DIAPH2: variants seen among roughly 807,000 people sequenced by gnomAD.
The protein encoded by DIAPH2 is diaphanous related formin 2, also known as protein diaphanous homolog 2.
In DIAPH2, 35 loss-of-function variants were observed where a neutral mutation model predicts 92.7. That is an observed-to-expected ratio of 0.38 (90% CI 0.29 to 0.50). The LOEUF (loss-of-function observed/expected upper bound fraction) is 0.50, where lower values mean the gene tolerates loss of function less well. DIAPH2 is among the 20% of genes least tolerant of loss of function. The pLI is 0.94. For synonymous variants in DIAPH2, 301 were observed against 280.4 expected, an observed-to-expected ratio of 1.07 and a Z score of -0.73; for missense variants, 701 against 819.5, an observed-to-expected ratio of 0.86 and a Z score of 1.77.
chrX:96,901,178 A>G (rs2147770535), intron 5 of DIAPH2, among the ~76,000 whole-genome samples: 1 of 109,889 alleles, frequency 9.1e-6, no homozygotes, highest in Non-Finnish European at 1.9e-5. Flanking sequence ...TTTATTCCTG[A>G]TTTAATCTAG....
rs907625578 is a variant in DIAPH2 at position 97,474,356 on chromosome X, G to T, written c.3241+44611G>T. On this transcript the variant is annotated intron_variant, in intron 26 of 26. Transcript: ENST00000324765. ...GAGAACAGATTATTTTTATCTTTTA[G>T]TTGGTGAAGTATAAAAATTTTCATT... Among the ~76,000 whole-genome samples the T allele has an allele frequency of 6.2e-5, 7 of 112,755 alleles. No homozygotes were observed. The South Asian group carries it at 2.5e-3, about 41-fold the overall frequency.
At chrX:96,719,029 A>G (rs780612557) in intron 1 of DIAPH2, among the ~76,000 whole-genome samples, 2 of 112,056 alleles carry the variant, frequency 1.8e-5, no homozygotes, top group African/African-American at 3.2e-5. Flanking sequence ...TCCGTGATCA[A>G]TGATGTTAAG....
intron 17 of DIAPH2, among the ~76,000 whole-genome samples, chrX:97,026,184 A>G (rs2066333772): frequency 8.9e-6 from 1 of 112,181 alleles, no homozygotes; most frequent in Non-Finnish European, 1.9e-5. Flanking sequence ...TTAAAAAGCA[A>G]GATAGTTTAT....
chrX:97,131,175 C>G (rs1161921872), intron 21 of DIAPH2, among the ~76,000 whole-genome samples: 1 of 110,052 alleles, frequency 9.1e-6, no homozygotes, highest in Non-Finnish European at 1.9e-5. Context: ...AACAGTGATT[C>G]CCTCACAAAA....
At chrX:96,775,379 G>A (rs1165129844) in intron 4 of DIAPH2, among the ~76,000 whole-genome samples, 6 of 108,623 alleles carry the variant, frequency 5.5e-5, no homozygotes, top group Admixed American at 1.0e-4. Flanking sequence ...GTGTGTGTGT[G>A]TGTGTGTGTG....
intron 4 of DIAPH2, among the ~76,000 whole-genome samples, chrX:96,866,405 T>C (rs2065104942): frequency 3.6e-5 from 4 of 112,357 alleles, no homozygotes; most frequent in Admixed American, 2.8e-4. Flanking sequence ...ATATTTCATA[T>C]AGCAGTCTTT....
chrX:97,173,587 T>C (rs774090222), intron 22 of DIAPH2, among the ~76,000 whole-genome samples: 4 of 111,164 alleles, frequency 3.6e-5, no homozygotes, highest in Admixed American at 9.6e-5. Context: ...AAATCATAAG[T>C]GTTCCGCTTA....
chrX:97,205,004 T>A (rs766928049), intron 22 of DIAPH2, among the ~76,000 whole-genome samples: 61 of 110,360 alleles, frequency 5.5e-4, no homozygotes, highest in African/African-American at 1.7e-3. Flanking sequence ...AACAGAGACC[T>A]CACAGTGTAA....
intron 17 of DIAPH2, among the ~76,000 whole-genome samples, chrX:97,048,729 C>T (rs987883758): frequency 1.8e-5 from 2 of 111,028 alleles, no homozygotes; most frequent in African/African-American, 6.5e-5. Context: ...AAGACCTCTC[C>T]TTTCTCATCT....
intron 23 of DIAPH2, among the ~76,000 whole-genome samples, chrX:97,325,235 C>T (rs1227199467): frequency 8.9e-6 from 1 of 112,211 alleles, no homozygotes; most frequent in Non-Finnish European, 1.9e-5. Context: ...CCACTGCCTG[C>T]GTGTGGAGGA....
intron 19 of DIAPH2, 58 bp downstream of exon 19, chrX:97,075,319 C>T: frequency 2.8e-6 from 2 of 703,826 alleles, no homozygotes; most frequent in South Asian, 2.9e-5. Context: ...GGACTATTCT[C>T]TTCTCAATGG....
chrX:96,883,506 G>A (rs889181223), intron 5 of DIAPH2, among the ~76,000 whole-genome samples: 2 of 108,224 alleles, frequency 1.8e-5, no homozygotes, highest in African/African-American at 6.7e-5. Flanking sequence ...TCAGCCTCCC[G>A]AGTAGCTGGG....
chrX:96,841,023 G>A (rs750299860), intron 4 of DIAPH2, among the ~76,000 whole-genome samples: 1 of 111,706 alleles, frequency 9.0e-6, no homozygotes, highest in South Asian at 3.8e-4. Context: ...CTTATTAAAT[G>A]TTCATTGCCA....
intron 26 of DIAPH2, among the ~76,000 whole-genome samples, chrX:97,540,614 TAA>T (rs758950739): frequency 4.5e-5 from 5 of 112,190 alleles, no homozygotes; most frequent in African/African-American, 1.6e-4. Context: ...TGTTGTAAAT[TAA>T]AAACGCAAAG....
intron 10 of DIAPH2, 43 bp downstream of exon 10, chrX:96,930,886 A>T (rs1008172583): frequency 2.7e-5 from 30 of 1,121,905 alleles, no homozygotes; most frequent in Admixed American, 3.2e-5. Flanking sequence ...GAATTTTAAA[A>T]TTTTTTTCAC....
chrX:96,773,244 C>CCA (rs1292708725), intron 4 of DIAPH2, among the ~76,000 whole-genome samples: 2 of 86,473 alleles, frequency 2.3e-5, no homozygotes, highest in South Asian at 8.3e-4. Flanking sequence ...GTTTCCCCCC[C>CCA]CCTCCCGCCC....
At chrX:97,320,530 T>A (rs2068883550) in intron 23 of DIAPH2, among the ~76,000 whole-genome samples, 1 of 110,214 alleles carries the variant, frequency 9.1e-6, no homozygotes, top group African/African-American at 3.3e-5. Flanking sequence ...ACTGGCCAAT[T>A]GTGGTGAAAC....
chrX:97,135,910 C>T (rs975735321), intron 21 of DIAPH2, among the ~76,000 whole-genome samples: 4 of 111,460 alleles, frequency 3.6e-5, no homozygotes, highest in Non-Finnish European at 7.5e-5. Flanking sequence ...AACAGTATGC[C>T]GAGGTCAGGA....
chrX:97,496,182 T>TC (rs2070756545), intron 26 of DIAPH2, among the ~76,000 whole-genome samples: 2 of 91,168 alleles, frequency 2.2e-5, no homozygotes, highest in East Asian at 6.8e-4. Context: ...TTTTTTTTTT[T>TC]TTTTTTTTTT....
Sources: allele counts gnomAD v4.1 joint callset (sites outside exome capture counted in the v4.1 genomes callset), GRCh38; gene constraint gnomAD v4.1.1; transcripts MANE v1.5; gene names NCBI Gene and HGNC (gene_info 2026-07-23, HGNC 2026-07-21).